Variants in FGF6 observed in about 807,000 individuals in gnomAD.
The protein encoded by FGF6 is fibroblast growth factor 6, also known as FGF-6.
In FGF6, 14 loss-of-function variants were observed where a neutral mutation model predicts 18.4. That is an observed-to-expected ratio of 0.76 (90% CI 0.50 to 1.19). The LOEUF is 1.19. Among genes scored for constraint, FGF6 ranks in the 50% most tolerant of loss-of-function variants. FGF6 has a pLI of 0.00. For missense variants in FGF6, 266 were observed against 271.6 expected (o/e 0.98, Z 0.15); for synonymous variants, 125 against 116.7 (o/e 1.07, Z -0.46).
At chr12:4,440,230 T>C (rs1483752683) in intron 2 of FGF6, among the ~76,000 whole-genome samples, 1 of 152,262 alleles carries the variant, frequency 6.6e-6, no homozygotes, top group African/African-American at 2.4e-5. Context: ...TTCAGACTTA[T>C]GTGCATTTGG....
chr12:4,438,347 A>C (rs1382281467), intron 2 of FGF6, among the ~76,000 whole-genome samples: 1 of 152,224 alleles, frequency 6.6e-6, no homozygotes, highest in Non-Finnish European at 1.5e-5. Flanking sequence ...CTACCAGAAT[A>C]AAGGATGAAT....
chr12:4,445,075 G>T lies in FGF6; in HGVS notation c.346+150C>A. On this transcript the variant is annotated intron_variant, in intron 1 of 2. Coordinates refer to ENST00000228837, the MANE Select transcript of FGF6 (RefSeq NM_020996.3). The surrounding 1 kb of genome is among the most constrained non-coding windows in gnomAD (Gnocchi z 5.5). ...CCGCAGTATATTGAGCTTGCACCCA[G>T]GCAGGGTCACGTGGAATCATCTAAG... is the stretch of plus-strand genomic sequence containing the variant. 1 of 706,230 alleles carries T rather than the reference G, an allele frequency of 1.4e-6. No homozygotes were observed. The allele number at this position is 706,230 out of a possible 1,614,324, so 43.7% of individuals were successfully genotyped here.
Position 4,445,486 on chromosome 12 carries a change from C to T in FGF6, c.85G>A (p.Gly29Ser). 1 of 1,613,202 alleles carries T rather than the reference C, an allele frequency of 6.2e-7. No homozygotes were observed. Among genetic ancestry groups the T allele is most frequent in the Non-Finnish European group, 8.5e-7 (1 of 1,179,980 alleles). The change falls in exon 1 of 3, where the codon GGC becomes AGC. Residue 29 changes from glycine to serine, a missense_variant. By Grantham distance (56) the Gly-to-Ser change is moderately conservative (BLOSUM62 0). Transcript: ENST00000228837. This position sits in a 1 kb window ranked among gnomAD's most constrained non-coding sequence, Gnocchi z 5.5. Reference protein sequence around the residue: ...QGTLWALVFLGILVGMVVPSP... With the variant: ...QGTLWALVFLSILVGMVVPSP... The stretch of plus-strand genomic sequence containing the variant: ...GGCACCACCATGCCCACTAGGATGC[C>T]TAGGAAGACGAGAGCCCACAGCGTG...
rs565161571 is a variant in FGF6 at position 4,438,036 on chromosome 12, CA to C, written c.451-3646del. On this transcript the variant is annotated intron_variant, in intron 2 of 2. Transcript: ENST00000228837. ...GAAAATACATACAATACACATATGT[CA>C]AAGAATACATTTTGTTACTATATTC... Among the ~76,000 whole-genome samples, 179 of 152,120 alleles carry C rather than the reference CA, an allele frequency of 1.2e-3. 1 individual carries two copies. Among genetic ancestry groups the C allele is most frequent in the African/African-American group, 4.1e-3 (169 of 41,498 alleles).
Position 4,445,201 on chromosome 12 carries a change from C to A in FGF6, c.346+24G>T. On this transcript the variant is annotated intron_variant, in intron 1 of 2. Coordinates refer to ENST00000228837, the MANE Select transcript of FGF6 (RefSeq NM_020996.3). The surrounding 1 kb of genome is among the most constrained non-coding windows in gnomAD (Gnocchi z 5.5). ...CATGAGCCCAAACCCCCAAGCGTCC[C>A]GACTGGCTGCAGCTGGCACTCACTG... The A allele has an allele frequency of 6.3e-7, 1 of 1,582,674 alleles. No homozygotes were observed. Among genetic ancestry groups the A allele is most frequent in the East Asian group, 2.3e-5 (1 of 42,892 alleles).
Position 4,445,178 on chromosome 12 carries a change from T to G in FGF6, c.346+47A>C. 9 of 1,509,960 alleles carry G rather than the reference T, an allele frequency of 6.0e-6. No homozygotes were observed. Among genetic ancestry groups the G allele is most frequent in the Non-Finnish European group, 7.2e-6 (8 of 1,111,748 alleles). 93.5% of individuals were successfully genotyped at this position (1,509,960 alleles called of 1,614,324 possible). On this transcript the variant is annotated intron_variant, in intron 1 of 2. Transcript: ENST00000228837. This position sits in a 1 kb window ranked among gnomAD's most constrained non-coding sequence, Gnocchi z 5.5. ...GGCCCCTTCACCTTTTAGCCCTGCA[T>G]GAGCCCAAACCCCCAAGCGTCCCGA...
Position 4,445,179 on chromosome 12 carries a change from G to A in FGF6, c.346+46C>T, listed in dbSNP as rs1212787631. On this transcript the variant is annotated intron_variant, in intron 1 of 2. Transcript: ENST00000228837. This position sits in a 1 kb window ranked among gnomAD's most constrained non-coding sequence, Gnocchi z 5.5. ...GCCCCTTCACCTTTTAGCCCTGCAT[G>A]AGCCCAAACCCCCAAGCGTCCCGAC... The A allele has an allele frequency of 2.0e-6, 3 of 1,513,648 alleles. No individual in the cohort carries two copies. Among genetic ancestry groups the A allele is most frequent in the South Asian group, 1.2e-5 (1 of 83,794 alleles). 93.8% of individuals were successfully genotyped at this position (1,513,648 alleles called of 1,614,324 possible).
intron 2 of FGF6, among the ~76,000 whole-genome samples, chr12:4,443,390 G>T (rs1274106693): frequency 6.6e-6 from 1 of 152,148 alleles, no homozygotes; most frequent in Non-Finnish European, 1.5e-5. Flanking sequence ...CAGCCTCATC[G>T]GGATGTTTGC....
In FGF6 at chr12:4,445,629, TG is replaced by T; in HGVS notation, c.-60del. 7.3e-7 allele frequency: 1 copy of T among 1,370,428 alleles called. No homozygotes were observed. Among genetic ancestry groups the T allele is most frequent in the South Asian group, 1.4e-5 (1 of 71,350 alleles). 84.9% of individuals were successfully genotyped at this position (1,370,428 alleles called of 1,614,324 possible). On this transcript the variant is annotated 5_prime_UTR_variant, in exon 1 of 3. The change creates a premature stop within an existing upstream ORF in the 5' untranslated region. Transcript: ENST00000228837. This position sits in a 1 kb window ranked among gnomAD's most constrained non-coding sequence, Gnocchi z 5.5. ...ATGGCCCTAAAAATACCGCCCTTCTTGTTTTTCTCCCTCCGGCATGGCGGCA... is the reference window on the plus strand; with the variant it reads ...ATGGCCCTAAAAATACCGCCCTTCTTTTTTTCTCCCTCCGGCATGGCGGCA...
chr12:4,443,742 G>A (rs1263551967), intron 2 of FGF6, among the ~76,000 whole-genome samples: 9 of 152,306 alleles, frequency 5.9e-5, no homozygotes, highest in East Asian at 5.8e-4. Context: ...CTTGCAGGGC[G>A]CGTGTCATGG....
In FGF6 at chr12:4,441,701, C is replaced by G. The variant is rs771219623; in HGVS notation, c.450+2432G>C. The stretch of plus-strand genomic sequence containing the variant: ...CAGCCCCAGCCCAGTTTCCCTCCCC[C>G]ACCCATGAGAAATCCCATGAACTGG... On this transcript the variant is annotated intron_variant, in intron 2 of 2. Coordinates refer to ENST00000228837, the MANE Select transcript of FGF6 (RefSeq NM_020996.3). Among the ~76,000 whole-genome samples, 22 of 152,254 alleles carry G rather than the reference C, an allele frequency of 1.4e-4. No individual in the cohort carries two copies. In the South Asian group the frequency reaches 1.5e-3, roughly 10 times the overall value.
chr12:4,443,751 G>A (rs897718307), intron 2 of FGF6, among the ~76,000 whole-genome samples: 3 of 152,224 alleles, frequency 2.0e-5, no homozygotes, highest in African/African-American at 7.2e-5. Context: ...CGCGTGTCAT[G>A]GAGCAGCGCA....
chr12:4,434,498 T>G lies in FGF6; in HGVS notation c.451-107A>C, dbSNP rs912475472. On this transcript the variant is annotated intron_variant, in intron 2 of 2. Coordinates refer to ENST00000228837, the MANE Select transcript of FGF6 (RefSeq NM_020996.3). Reference sequence around the variant, plus strand: ...GCCCCTCTGCCAGGTGCCCTTCCCTTCTCTTTGTGAGACAACCACCGTGAG... The same window carrying G: ...GCCCCTCTGCCAGGTGCCCTTCCCTGCTCTTTGTGAGACAACCACCGTGAG... 6.7e-6 allele frequency: 7 copies of G among 1,041,598 alleles called. No homozygotes were observed. In the Admixed American group the frequency reaches 1.4e-4, roughly 20 times the overall value. The allele number at this position is 1,041,598 out of a possible 1,614,324, so 64.5% of individuals were successfully genotyped here.
At chr12:4,442,527 G>T (rs1865704441) in intron 2 of FGF6, among the ~76,000 whole-genome samples, 1 of 152,206 alleles carries the variant, frequency 6.6e-6, no homozygotes, top group Admixed American at 6.5e-5. Flanking sequence ...TATGAAATTT[G>T]TGCTTTCTCC....
At chr12:4,439,595 G>A (rs996260246) in intron 2 of FGF6, among the ~76,000 whole-genome samples, 4 of 151,654 alleles carry the variant, frequency 2.6e-5, no homozygotes, top group African/African-American at 9.7e-5. Flanking sequence ...TGCGTAGATT[G>A]TACTTTGCTT....
Position 4,445,717 on chromosome 12 carries a change from A to C in FGF6, c.-147T>G. On this transcript the variant is annotated 5_prime_UTR_variant, in exon 1 of 3. Transcript: ENST00000228837. This position sits in a 1 kb window ranked among gnomAD's most constrained non-coding sequence, Gnocchi z 5.5. ...CATGAAACCAAAGCCTCCATCGGGC[A>C]CTCGGGTTGAGAGCAGAGGGACCCA... The C allele has an allele frequency of 1.5e-6, 1 of 682,854 alleles. No homozygotes were observed. The highest frequency in any genetic ancestry group is 2.4e-6 in the Non-Finnish European group (1 of 413,230). The allele number at this position is 682,854 out of a possible 1,614,324, so 42.3% of individuals were successfully genotyped here. A position where few individuals can be genotyped will look rare whatever the true frequency, so the allele number is the denominator to read the frequency against.
At chr12:4,442,926 C>T (rs1241247285) in intron 2 of FGF6, among the ~76,000 whole-genome samples, 1 of 152,224 alleles carries the variant, frequency 6.6e-6, no homozygotes, top group Non-Finnish European at 1.5e-5. Flanking sequence ...AATACAAAAA[C>T]AAATGGATTT....
chr12:4,443,759 G>A (rs1392053500), intron 2 of FGF6, among the ~76,000 whole-genome samples: 1 of 152,332 alleles, frequency 6.6e-6, no homozygotes, highest in Non-Finnish European at 1.5e-5. Flanking sequence ...ATGGAGCAGC[G>A]CACCCAGGCA....
chr12:4,434,200 T>G lies in FGF6; in HGVS notation c.*15A>C, dbSNP rs1308363135. ...AGATGATGCTTTAAATCTGTGAGCC[T>G]TCTTTTGTGGGTCCTTAGATCCTGG... On this transcript the variant is annotated 3_prime_UTR_variant, in exon 3 of 3. Transcript: ENST00000228837. 6.2e-7 allele frequency: 1 copy of G among 1,613,018 alleles called. No homozygotes were observed. Among genetic ancestry groups the G allele is most frequent in the Non-Finnish European group, 8.5e-7 (1 of 1,179,614 alleles).
Sources: allele counts gnomAD v4.1 joint callset (sites outside exome capture counted in the v4.1 genomes callset), GRCh38; gene constraint gnomAD v4.1.1; non-coding constraint Gnocchi (gnomAD v3.1); transcripts MANE v1.5; gene names NCBI Gene and HGNC (gene_info 2026-07-23, HGNC 2026-07-21).